The following PARP4 variants were observed in gnomAD, a reference collection of about 807,000 sequenced individuals.
PARP4 encodes poly(ADP-ribose) polymerase family member 4, also known as protein mono-ADP-ribosyltransferase PARP4.
Under a neutral mutation model 187.7 loss-of-function variants are expected in PARP4, and 120 were observed. That is an observed-to-expected ratio of 0.64 (90% CI 0.55 to 0.74). The LOEUF is 0.74. Among genes scored for constraint, PARP4 ranks in the 30% least tolerant of loss-of-function variants. The pLI is 0.00. For missense variants in PARP4, 1,836 were observed against 2,070.5 expected (o/e 0.89, Z 2.20); for synonymous variants, 654 against 740.9 (o/e 0.88, Z 1.90).
At chr13:24,455,499 A>ATC (rs1871781934) in intron 21 of PARP4, among the ~76,000 whole-genome samples, 1 of 139,898 alleles carries the variant, frequency 7.1e-6, no homozygotes, top group Admixed American at 7.2e-5. Flanking sequence ...ATATATATAT[A>ATC]TATATATCAC....
In PARP4 at chr13:24,468,891, C is replaced by T. The variant is rs4770694; in HGVS notation, c.2133+133G>A. The T allele has an allele frequency of 0.54, 356,837 of 663,732 alleles. 96,890 individuals carry two copies. The highest frequency in any genetic ancestry group is 0.63 in the South Asian group (31,046 of 49,114). The allele number at this position is 663,732 out of a possible 1,614,324, so 41.1% of individuals were successfully genotyped here. A position where few individuals can be genotyped will look rare whatever the true frequency, so the allele number is the denominator to read the frequency against. On this transcript the variant is annotated intron_variant, in intron 17 of 33. Transcript: ENST00000381989. ...CTGACTGGCGTGGCTTCCCCTTACT[C>T]AGACCAAGTGGAACTCTGGGGCCTA... is the stretch of plus-strand genomic sequence containing the variant.
At chr13:24,510,414 C>A (rs1272708354) in intron 1 of PARP4, among the ~76,000 whole-genome samples, 1 of 151,710 alleles carries the variant, frequency 6.6e-6, no homozygotes, top group Non-Finnish European at 1.5e-5. Context: ...ATTAGCCGGG[C>A]GTAGTGGCGG....
At chr13:24,511,104 T>C (rs991770986) in intron 1 of PARP4, among the ~76,000 whole-genome samples, 1 of 152,176 alleles carries the variant, frequency 6.6e-6, no homozygotes. Flanking sequence ...AAAAACATTT[T>C]AAACATAAAT....
At position 24,452,585 on chromosome 13, in the gene PARP4, T is replaced by A. The variant is rs752782317; in HGVS notation, c.2835A>T (p.Thr945=). 1 of 1,611,600 alleles carries A rather than the reference T, an allele frequency of 6.2e-7. No individual in the cohort carries two copies. The highest frequency in any genetic ancestry group is 1.1e-5 in the South Asian group (1 of 90,824). Reference sequence around the variant, plus strand: ...AGAAGTCTGTGTTCCCCATGGTAGGTGTGGCAGACTGGAGGAAATGAAGTG... The same window carrying A: ...AGAAGTCTGTGTTCCCCATGGTAGGAGTGGCAGACTGGAGGAAATGAAGTG... ...TMAAEFIMSA[T]PTMGNTDFWK... is the part of the protein sequence containing the mutation. The change falls in exon 24 of 34, where the codon ACA becomes ACT. Residue 945 remains threonine (T), a synonymous_variant. Coordinates refer to ENST00000381989, the MANE Select transcript of PARP4 (RefSeq NM_006437.4).
rs114625929 is a variant in PARP4, at chr13:24,468,207, A to C, written c.2133+817T>G. 2.7e-3 allele frequency among the ~76,000 whole-genome samples: 418 copies of C among 152,252 alleles called. 1 individual carries two copies. The highest frequency in any genetic ancestry group is 9.5e-3 in the African/African-American group (393 of 41,542). ...GGCCTCGTGAAAACACCTGGTATTT[A>C]AGGAAAGTAGTCTAGTGGACCTGCC... is the stretch of plus-strand genomic sequence containing the variant. On this transcript the variant is annotated intron_variant, in intron 17 of 33. Transcript: ENST00000381989.
At chr13:24,508,421 GAAAA>G (rs981383365) in intron 1 of PARP4, among the ~76,000 whole-genome samples, 1 of 150,840 alleles carries the variant, frequency 6.6e-6, no homozygotes, top group African/African-American at 2.4e-5. Flanking sequence ...TTGTATAACA[GAAAA>G]AAAAAGAACA....
chr13:24,483,492 C>CAAAAAA (rs745935813), intron 12 of PARP4, among the ~76,000 whole-genome samples: 23 of 107,996 alleles, frequency 2.1e-4, no homozygotes, highest in African/African-American at 7.6e-4. Flanking sequence ...GACTCCGTCT[C>CAAAAAA]AAAAAAAAAA....
In PARP4 at chr13:24,446,712, G is replaced by T. The variant is rs779895192; in HGVS notation, c.3335C>A (p.Ser1112Ter). The change falls in exon 27 of 34, where the codon TCG becomes TAG. Residue 1112 changes from serine (S) to a stop codon, truncating the protein, a stop_gained. Coordinates refer to ENST00000381989, the MANE Select transcript of PARP4 (RefSeq NM_006437.4). LOFTEE classifies it high-confidence loss of function. ...IQEKEFRTMV[S>*]TTELQKTTGT... Reference sequence around the variant, plus strand: ...AGTTGTCTTCTGAAGCTCAGTAGTCGACACCATTGTACGAAATTCTTTCTC... The same window carrying T: ...AGTTGTCTTCTGAAGCTCAGTAGTCTACACCATTGTACGAAATTCTTTCTC... The T allele has an allele frequency of 7.5e-6, 12 of 1,600,902 alleles. No individual in the cohort carries two copies. The highest frequency in any genetic ancestry group is 1.0e-5 in the Non-Finnish European group (12 of 1,168,200).
chr13:24,462,563 A>C (rs1039766257), intron 17 of PARP4, among the ~76,000 whole-genome samples: 1 of 152,220 alleles, frequency 6.6e-6, no homozygotes, highest in African/African-American at 2.4e-5. Flanking sequence ...AAAATGACCC[A>C]ATGTCAAGAT....
intron 14 of PARP4, among the ~76,000 whole-genome samples, chr13:24,477,419 CTG>C (rs1240587865): frequency 6.6e-6 from 1 of 151,784 alleles, no homozygotes; most frequent in Non-Finnish European, 1.5e-5. Context: ...TGATCACACA[CTG>C]TACTCCAGCC....
intron 28 of PARP4, 49 bp downstream of exon 28, chr13:24,443,601 G>A: frequency 7.6e-7 from 1 of 1,309,160 alleles, no homozygotes; most frequent in Non-Finnish European, 1.1e-6. Flanking sequence ...ATCAATGTAA[G>A]AATGCTCAAG....
chr13:24,498,671 C>T (rs1337918946), intron 5 of PARP4, among the ~76,000 whole-genome samples: 1 of 152,106 alleles, frequency 6.6e-6, no homozygotes, highest in Non-Finnish European at 1.5e-5. Flanking sequence ...AAGAGATCCA[C>T]CTGCCTTAGC....
intron 10 of PARP4, among the ~76,000 whole-genome samples, chr13:24,488,350 G>C (rs1725273555): frequency 6.6e-6 from 1 of 152,152 alleles, no homozygotes; most frequent in Admixed American, 6.5e-5. Flanking sequence ...TCTGGAGAAG[G>C]CCTGTGGGAA....
Position 24,434,999 on chromosome 13 carries a change from GC to G in PARP4, c.4141del (p.Ala1381ArgfsTer26). On this transcript the variant is annotated frameshift_variant, in exon 31 of 34. Coordinates refer to ENST00000381989, the MANE Select transcript of PARP4 (RefSeq NM_006437.4). LOFTEE classifies it high-confidence loss of function. ...CTGGGGAGGTCCTGTGGGACAAGAC[GC>G]CGACTGTGGGATCCAGTCAGCACAA... ...GTCADWIPQS[A>X]SCPTGPPQNP... 1 of 1,613,918 alleles carries G rather than the reference GC, an allele frequency of 6.2e-7. No individual in the cohort carries two copies. Among genetic ancestry groups the G allele is most frequent in the Non-Finnish European group, 8.5e-7 (1 of 1,180,034 alleles).
chr13:24,486,926 C>T (rs1431892800), intron 10 of PARP4, among the ~76,000 whole-genome samples: 5 of 151,376 alleles, frequency 3.3e-5, no homozygotes, highest in Admixed American at 3.3e-4. Context: ...CGCGCCACTG[C>T]ACTCCAGACT....
At chr13:24,484,547 T>C (rs1873450750) in intron 12 of PARP4, 106 bp downstream of exon 12, 3 of 737,478 alleles carry the variant, frequency 4.1e-6, no homozygotes, top group South Asian at 3.1e-5. Flanking sequence ...TCATATATAA[T>C]AGATAAATCT....
rs757391334 is a variant in PARP4 at position 24,503,629 on chromosome 13, T to C, written c.132+16A>G. The C allele has an allele frequency of 1.9e-6, 3 of 1,611,994 alleles. No individual in the cohort carries two copies. Among genetic ancestry groups the C allele is most frequent in the Non-Finnish European group, 2.5e-6 (3 of 1,179,706 alleles). ...CAATGTTTTATCACACTGTAGTTTA[T>C]GACACTTGGAAATACCTGAGGATTT... On this transcript the variant is annotated intron_variant, in intron 2 of 33. Coordinates refer to ENST00000381989, the MANE Select transcript of PARP4 (RefSeq NM_006437.4).
Position 24,443,685 on chromosome 13 carries a change from C to T in PARP4, c.3412G>A (p.Asp1138Asn), listed in dbSNP as rs570007379. 2 of 1,613,808 alleles carry T rather than the reference C, an allele frequency of 1.2e-6. No homozygotes were observed. The highest frequency in any genetic ancestry group is 1.3e-5 in the African/African-American group (1 of 75,054). The change falls in exon 28 of 34, where the codon GAT becomes AAT. Residue 1138 changes from aspartate (D) to asparagine (N), a missense_variant. Transcript: ENST00000381989. Reference protein sequence around the residue: ...AARALIRDYEDGILHENETSH... With the variant: ...AARALIRDYENGILHENETSH... ...GTTTCATTTTCGTGAAGAATGCCAT[C>T]TTCATAATCTCTGATTAGAGCTCGG...
At chr13:24,470,664 G>C (rs1872690056) in intron 15 of PARP4, among the ~76,000 whole-genome samples, 7 of 151,964 alleles carry the variant, frequency 4.6e-5, no homozygotes, top group Admixed American at 3.3e-4. Context: ...ACAATAAACA[G>C]TAAGATTTTA....
Sources: gnomAD v4.1 joint callset for allele counts (sites outside exome capture counted in the v4.1 genomes callset) on GRCh38, gnomAD v4.1.1 for gene constraint, MANE v1.5 for transcripts, NCBI Gene and HGNC (gene_info 2026-07-23, HGNC 2026-07-21) for gene names.